The following GBF1 variants were observed in gnomAD, a reference collection of about 807,000 sequenced individuals.
The protein encoded by GBF1 is Golgi-specific brefeldin A-resistance guanine nucleotide exchange factor 1.
In GBF1, 114 loss-of-function variants were observed where a neutral mutation model predicts 210.5. The observed-to-expected ratio is 0.54, with a 90% CI of 0.47 to 0.63. GBF1 has a LOEUF of 0.63. Ranked by LOEUF, GBF1 falls within the 30% of genes least tolerant of loss-of-function variation. The probability of loss-of-function intolerance (pLI) is 0.00; values close to 1 mark genes in which losing one functional copy is unlikely to be tolerated. For synonymous variants in GBF1, 850 were observed against 889.2 expected (o/e 0.96, Z 0.78); for missense variants, 1,851 against 2,357.7 (o/e 0.79, Z 4.45).
At chr10:102,301,188 T>G (rs565780168) in intron 3 of GBF1, among the ~76,000 whole-genome samples, 26 of 152,100 alleles carry the variant, frequency 1.7e-4, no homozygotes, top group Non-Finnish European at 3.1e-4. Context: ...TGACTCTTAA[T>G]GAGCATGCTG....
At chr10:102,362,861 C>T (rs946149402) in intron 15 of GBF1, among the ~76,000 whole-genome samples, 197 bp downstream of exon 15, 4 of 152,192 alleles carry the variant, frequency 2.6e-5, no homozygotes, top group Non-Finnish European at 5.9e-5. Context: ...TCCTCCTCCC[C>T]ACTTTGGTTT....
chr10:102,251,466 C>G (rs919425724), intron 1 of GBF1, among the ~76,000 whole-genome samples: 8 of 152,128 alleles, frequency 5.3e-5, no homozygotes, highest in Non-Finnish European at 7.4e-5. Context: ...AAATCATGGT[C>G]TTTCCCCCTG....
intron 29 of GBF1, among the ~76,000 whole-genome samples, chr10:102,374,536 GATC>G (rs1231138968): frequency 2.6e-5 from 4 of 151,886 alleles, no homozygotes; most frequent in Admixed American, 2.6e-4. Flanking sequence ...TGTGAGCTAT[GATC>G]ATACCACTGC....
chr10:102,274,771 G>A (rs936922934), intron 3 of GBF1, among the ~76,000 whole-genome samples: 9 of 137,592 alleles, frequency 6.5e-5, no homozygotes, highest in African/African-American at 2.5e-4. Context: ...GAGTACAGTG[G>A]CGTGATCTTT....
intron 37 of GBF1, 22 bp from the exon 38 acceptor site, chr10:102,380,484 A>C: frequency 6.2e-7 from 1 of 1,607,840 alleles, no homozygotes; most frequent in Non-Finnish European, 8.5e-7. Flanking sequence ...TCCTATTCTC[A>C]TGGTCCCACT....
chr10:102,237,751 ATATTT>A, the GBF1 span, among the ~76,000 whole-genome samples: 2 of 152,232 alleles, frequency 1.3e-5, no homozygotes, highest in Non-Finnish European at 2.9e-5. Flanking sequence ...GGATTATAAA[ATATTT>A]TAATATAAAA....
intron 3 of GBF1, among the ~76,000 whole-genome samples, chr10:102,315,209 A>G (rs1404561444): frequency 6.6e-6 from 1 of 152,166 alleles, no homozygotes; most frequent in African/African-American, 2.4e-5. Context: ...GAAGACTACT[A>G]TGTTCATGGT....
the GBF1 span, chr10:102,230,795 G>T: frequency 1.3e-6 from 2 of 1,549,084 alleles, no homozygotes; most frequent in Admixed American, 3.9e-5. Context: ...CCAGGCCCTG[G>T]CACGGTGCCC....
intron 3 of GBF1, among the ~76,000 whole-genome samples, chr10:102,303,122 G>A (rs1208597636): frequency 6.6e-6 from 1 of 151,642 alleles, no homozygotes; most frequent in Admixed American, 6.6e-5. Context: ...CAAGTAGCTG[G>A]GATTACAGGT....
intron 3 of GBF1, among the ~76,000 whole-genome samples, chr10:102,305,615 A>G (rs1261375950): frequency 1.3e-5 from 2 of 151,948 alleles, no homozygotes; most frequent in African/African-American, 2.4e-5. Flanking sequence ...ATCTCCAAAA[A>G]AAAAAGAAAA....
At chr10:102,357,333 A>G (rs2059349318) in intron 8 of GBF1, among the ~76,000 whole-genome samples, 1 of 152,026 alleles carries the variant, frequency 6.6e-6, no homozygotes, top group Admixed American at 6.6e-5. Context: ...CTAAAAATAC[A>G]AAAATTATCC....
At position 102,378,179 on chromosome 10, in the gene GBF1, C is replaced by T. The variant is rs548009649; in HGVS notation, c.4494+1039C>T. ...CTTGCAGTGAGCCGAGATTATGCCA[C>T]TGCACTCCAGCCTGGGCGACAGAGC... On this transcript the variant is annotated intron_variant, in intron 33 of 39. Coordinates refer to ENST00000369983, the MANE Select transcript of GBF1 (RefSeq NM_001377137.1). Among the ~76,000 whole-genome samples the T allele has an allele frequency of 3.3e-5, 5 of 150,056 alleles. No homozygotes were observed. In the South Asian group the frequency reaches 1.1e-3, roughly 32 times the overall value.
Position 102,366,648 on chromosome 10 carries a change from G to A in GBF1, c.2433+142G>A, listed in dbSNP as rs894967709. On this transcript the variant is annotated intron_variant, in intron 19 of 39. Transcript: ENST00000369983. The surrounding 1 kb of genome is among the most constrained non-coding windows in gnomAD (Gnocchi z 4.0). ...GTCACCCAGGCTGGAGTGCAGTAGC[G>A]CAGTCTCAGCACACTGCAACCTCCA... 3.8e-5 allele frequency: 27 copies of A among 718,964 alleles called. 1 individual carries two copies. Among genetic ancestry groups the A allele is most frequent in the South Asian group, 2.5e-4 (13 of 51,426 alleles). 44.5% of individuals were successfully genotyped at this position (718,964 alleles called of 1,614,324 possible).
Position 102,363,216 on chromosome 10 carries a change from T to C in GBF1, c.1877-40T>C. The C allele has an allele frequency of 1.3e-6, 2 of 1,567,932 alleles. No homozygotes were observed. The highest frequency in any genetic ancestry group is 8.7e-7 in the Non-Finnish European group (1 of 1,154,504). ...TATCCTGCAGCTCTGCTTGGCTTCA[T>C]ACCCTATAAGTCTTCACGTATCTTC... On this transcript the variant is annotated intron_variant, in intron 15 of 39. Coordinates refer to ENST00000369983, the MANE Select transcript of GBF1 (RefSeq NM_001377137.1). This position sits in a 1 kb window ranked among gnomAD's most constrained non-coding sequence, Gnocchi z 4.2.
chr10:102,243,063 C>T (rs563453736), upstream of GBF1, among the ~76,000 whole-genome samples: 18 of 152,274 alleles, frequency 1.2e-4, no homozygotes, highest in African/African-American at 4.3e-4. Context: ...GCCTGGCATA[C>T]AAGACCTTCA....
In GBF1 at chr10:102,252,338, C is replaced by CAA. The variant is rs1290728672; in HGVS notation, c.-11+6571_-11+6572dup. Among the ~76,000 whole-genome samples, 6 of 83,614 alleles carry CAA rather than the reference C, an allele frequency of 7.2e-5. No homozygotes were observed. In the South Asian group the frequency reaches 1.0e-3, roughly 15 times the overall value. The allele number at this position is 83,614 out of a possible 152,430, so 54.9% of individuals were successfully genotyped here. On this transcript the variant is annotated intron_variant, in intron 1 of 39. Transcript: ENST00000369983. ...GGGCAACAAGGGGGAAACGCTGTCT[C>CAA]AAAAAAAAAAAAAAAGTGGAAAAAT...
rs376237980 is a variant in GBF1 at position 102,344,210 on chromosome 10, C to T, written c.295+28C>T. On this transcript the variant is annotated intron_variant, in intron 4 of 39. Coordinates refer to ENST00000369983, the MANE Select transcript of GBF1 (RefSeq NM_001377137.1). ...AAGAGCTCAGGCTTTGTTGCATGAC[C>T]ACAGCACTTCATTTCCCACCTTTCC... The T allele has an allele frequency of 1.6e-4, 264 of 1,610,600 alleles. 1 individual carries two copies. In the African/African-American group the frequency reaches 3.1e-3, roughly 19 times the overall value.
At chr10:102,374,240 C>T (rs1355619907) in intron 29 of GBF1, among the ~76,000 whole-genome samples, 2 of 151,880 alleles carry the variant, frequency 1.3e-5, no homozygotes, top group Non-Finnish European at 1.5e-5. Context: ...ATCCCATCTA[C>T]TTGGGAGGCT....
intron 3 of GBF1, among the ~76,000 whole-genome samples, chr10:102,301,187 A>G (rs2077313639): frequency 6.6e-6 from 1 of 152,052 alleles, no homozygotes; most frequent in South Asian, 2.1e-4. Context: ...ATGACTCTTA[A>G]TGAGCATGCT....
Sources: gnomAD v4.1 joint callset for allele counts (sites outside exome capture counted in the v4.1 genomes callset) on GRCh38, gnomAD v4.1.1 for gene constraint, Gnocchi (gnomAD v3.1) non-coding constraint, MANE v1.5 for transcripts, NCBI Gene and HGNC (gene_info 2026-07-23, HGNC 2026-07-21) for gene names.